LNX2: variants seen among roughly 807,000 people sequenced by gnomAD.
LNX2 encodes the protein ligand of Numb protein X 2.
LNX2 carries 35 observed loss-of-function variants against 66.2 expected under a neutral mutation model. That is an observed-to-expected ratio of 0.53 (90% CI 0.40 to 0.70). LNX2 has a LOEUF of 0.70. LNX2 is among the 30% of genes least tolerant of loss of function. The pLI is 0.00. For synonymous variants in LNX2, 337 were observed against 315.6 expected, an observed-to-expected ratio of 1.07 and a Z score of -0.72; for missense variants, 791 against 850.8, an observed-to-expected ratio of 0.93 and a Z score of 0.87.
Position 27,559,967 on chromosome 13 carries a change from T to A in LNX2, c.1243A>T (p.Asn415Tyr). The stretch of plus-strand genomic sequence containing the variant: ...TTCCCTGGTCTAGCAATTGTTAAAT[T>A]CACTCTCTCTCCACTGGCCTGGAGA... ...QIIQASGERV[N>Y]LTIARPGKPQ... is the part of the protein sequence containing the mutation. The change falls in exon 6 of 10, where the codon AAT (asparagine) becomes TAT (tyrosine). Residue 415 changes from asparagine to tyrosine, a missense_variant. Transcript: ENST00000316334. 6.2e-7 allele frequency: 1 copy of A among 1,607,588 alleles called. No individual in the cohort carries two copies. The highest frequency in any genetic ancestry group is 8.5e-7 in the Non-Finnish European group (1 of 1,176,874).
intron 1 of LNX2, among the ~76,000 whole-genome samples, chr13:27,609,185 C>T (rs1176085973): frequency 1.4e-5 from 2 of 147,514 alleles, no homozygotes; most frequent in Non-Finnish European, 1.5e-5. Context: ...TGGAGTCTCG[C>T]TCTGTTGCCC....
chr13:27,616,049 C>T (rs977020778), intron 1 of LNX2, among the ~76,000 whole-genome samples: 1 of 151,904 alleles, frequency 6.6e-6, no homozygotes, highest in Admixed American at 6.6e-5. Context: ...AGAACATGTG[C>T]CCAAGATGGT....
At chr13:27,589,155 G>A (rs1955523721) in intron 1 of LNX2, among the ~76,000 whole-genome samples, 1 of 152,176 alleles carries the variant, frequency 6.6e-6, no homozygotes, top group South Asian at 2.1e-4. Context: ...AACTAAAAAT[G>A]GAAAAATGCT....
At chr13:27,563,119 A>G (rs1955158905) in intron 4 of LNX2, among the ~76,000 whole-genome samples, 1 of 152,206 alleles carries the variant, frequency 6.6e-6, no homozygotes, top group Non-Finnish European at 1.5e-5. Context: ...CTCATCTGTA[A>G]AATGTGTTTA....
chr13:27,575,910 A>C (rs1424146906), intron 2 of LNX2, among the ~76,000 whole-genome samples: 1 of 152,222 alleles, frequency 6.6e-6, no homozygotes, highest in Non-Finnish European at 1.5e-5. Context: ...ACACAAATGG[A>C]AGAAATGGAG....
At position 27,567,526 on chromosome 13, in the gene LNX2, C is replaced by G. The variant is rs547560094; in HGVS notation, c.855+114G>C. On this transcript the variant is annotated intron_variant, in intron 4 of 9. Transcript: ENST00000316334. ...AATTCTGATGTTTTGCATATAGAAA[C>G]AGTAAAACTAATCTATATATAATTT... 4.7e-3 allele frequency: 3,662 copies of G among 780,924 alleles called. 26 individuals carry two copies. The highest frequency in any genetic ancestry group is 6.8e-3 in the Non-Finnish European group (3,192 of 468,190). The allele number at this position is 780,924 out of a possible 1,614,324, so 48.4% of individuals were successfully genotyped here. A position where few individuals can be genotyped will look rare whatever the true frequency, so the allele number is the denominator to read the frequency against.
Position 27,569,210 on chromosome 13 carries a change from C to G in LNX2, c.474G>C (p.Glu158Asp), listed in dbSNP as rs750694929. ...GAGTGGGCCCATTTTCATTCTCAAT[C>G]TCTGCTTGAGTTCTACTAGTTTTCC... ...ERRKTSRTQA[E>D]IENENGPTLL... The change falls in exon 3 of 10, where the codon GAG (glutamate) becomes GAC (aspartate). Residue 158 changes from glutamate (E) to aspartate (D), a missense_variant. Glu to Asp is a conservative substitution (Grantham distance 45). Coordinates refer to ENST00000316334, the MANE Select transcript of LNX2 (RefSeq NM_153371.4). 2 of 1,613,372 alleles carry G rather than the reference C, an allele frequency of 1.2e-6. No homozygotes were observed. Among genetic ancestry groups the G allele is most frequent in the South Asian group, 2.2e-5 (2 of 91,000 alleles).
chr13:27,608,762 A>C (rs934184910), intron 1 of LNX2, among the ~76,000 whole-genome samples: 43 of 147,380 alleles, frequency 2.9e-4, no homozygotes, highest in Admixed American at 1.7e-3. Flanking sequence ...TCCTTCCATA[A>C]ATCCTAGTGT....
At chr13:27,615,244 C>T (rs1955813965) in intron 1 of LNX2, among the ~76,000 whole-genome samples, 1 of 152,204 alleles carries the variant, frequency 6.6e-6, no homozygotes, top group African/African-American at 2.4e-5. Context: ...TAGAGCAGCT[C>T]ACAGAACTCA....
intron 2 of LNX2, among the ~76,000 whole-genome samples, chr13:27,580,179 C>G (rs73446865): frequency 0.01 from 1,591 of 152,112 alleles, 26 homozygotes; most frequent in African/African-American, 0.037. Context: ...CAGCAGAGAA[C>G]ATGACTTGAC....
At chr13:27,575,455 G>A (rs573341086) in intron 2 of LNX2, among the ~76,000 whole-genome samples, 1 of 152,280 alleles carries the variant, frequency 6.6e-6, no homozygotes, top group East Asian at 1.9e-4. Flanking sequence ...CCCCAATGTG[G>A]TTGCATCATT....
At chr13:27,602,161 A>G (rs1955664660) in intron 1 of LNX2, among the ~76,000 whole-genome samples, 1 of 152,016 alleles carries the variant, frequency 6.6e-6, no homozygotes, top group African/African-American at 2.4e-5. Flanking sequence ...GCATTTCGCC[A>G]TGTTGCCCAG....
At chr13:27,553,697 T>C (rs555814528) in intron 7 of LNX2, among the ~76,000 whole-genome samples, 5 of 152,288 alleles carry the variant, frequency 3.3e-5, no homozygotes, top group South Asian at 2.1e-4. Flanking sequence ...CTTGACATGA[T>C]TGGAAGTTCG....
intron 4 of LNX2, among the ~76,000 whole-genome samples, chr13:27,563,044 C>T (rs978069369): frequency 6.6e-6 from 1 of 152,102 alleles, no homozygotes; most frequent in Non-Finnish European, 1.5e-5. Flanking sequence ...GAATTAGAGT[C>T]CTAGGTACTA....
At chr13:27,588,021 C>CCAAAAAAAAA (rs1955509486) in intron 1 of LNX2, among the ~76,000 whole-genome samples, 2 of 93,532 alleles carry the variant, frequency 2.1e-5, no homozygotes, top group African/African-American at 7.6e-5. Context: ...ACTCTTGTCA[C>CCAAAAAAAAA]AAAAAAAAAA....
At position 27,569,075 on chromosome 13, in the gene LNX2, C is replaced by T; in HGVS notation, c.609G>A (p.Glu203=). 1 of 1,613,864 alleles carries T rather than the reference C, an allele frequency of 6.2e-7. No homozygotes were observed. The highest frequency in any genetic ancestry group is 8.5e-7 in the Non-Finnish European group (1 of 1,179,902). The change falls in exon 3 of 10, where the codon GAG becomes GAA. Residue 203 remains glutamate (E), a synonymous_variant. Transcript: ENST00000316334. ...CAAAGGCAGGGTTGTCAAGGCCAGG[C>T]TCCTCACTCCATGTGGAAAGAGACG... is the stretch of plus-strand genomic sequence containing the variant. ...TSASLSTWSE[E]PGLDNPAFEE... is the part of the protein sequence containing the mutation.
At chr13:27,576,724 C>G (rs12583107) in intron 2 of LNX2, among the ~76,000 whole-genome samples, 10,288 of 147,406 alleles carry the variant, frequency 0.07, 393 homozygotes, top group South Asian at 0.15. Flanking sequence ...GATGCTATCT[C>G]CAGAAAAAAA....
At chr13:27,583,219 T>TGCGCGCGC (rs1593252765) in intron 1 of LNX2, among the ~76,000 whole-genome samples, 1 of 21,096 alleles carries the variant, frequency 4.7e-5, no homozygotes, top group East Asian at 1.3e-3. Flanking sequence ...TGTGTGTGTG[T>TGCGCGCGC]GTGTGTGTGT....
At chr13:27,572,519 G>A (rs984507735) in intron 2 of LNX2, among the ~76,000 whole-genome samples, 13 of 152,192 alleles carry the variant, frequency 8.5e-5, no homozygotes, top group Non-Finnish European at 1.3e-4. Flanking sequence ...ATGTAGGTGT[G>A]TTTTTTAATT....
Sources: gnomAD v4.1 joint callset for allele counts (sites outside exome capture counted in the v4.1 genomes callset) on GRCh38, gnomAD v4.1.1 for gene constraint, MANE v1.5 for transcripts, NCBI Gene and HGNC (gene_info 2026-07-23, HGNC 2026-07-21) for gene names.